ABL2: variants seen among roughly 807,000 people sequenced by gnomAD.
ABL2 encodes the protein ABL proto-oncogene 2, non-receptor tyrosine kinase.
A neutral mutation model predicts 107.7 loss-of-function variants in ABL2; 49 were observed. The ratio of observed to expected loss-of-function variants is 0.45; its 90% CI spans 0.36 to 0.58. ABL2 has a LOEUF of 0.58. ABL2 is among the 20% of genes least tolerant of loss of function. The pLI, the probability that ABL2 is intolerant of heterozygous loss-of-function variation, is 0.00. For synonymous variants in ABL2, 549 were observed against 548.6 expected, an observed-to-expected ratio of 1.00 and a Z score of -0.01; for missense variants, 1,245 against 1,457.0, an observed-to-expected ratio of 0.85 and a Z score of 2.37.
At chr1:179,180,670 C>T (rs1237688023) in intron 1 of ABL2, among the ~76,000 whole-genome samples, 1 of 152,072 alleles carries the variant, frequency 6.6e-6, no homozygotes, top group African/African-American at 2.4e-5. Flanking sequence ...ATTATACCAA[C>T]AAAATAATAG....
At position 179,110,418 on chromosome 1, in the gene ABL2, T is replaced by C. The variant is rs761724714; in HGVS notation, c.1689A>G (p.Ser563=). ...GCCGGGGCAGGTATGGAACAACAGATGACGAGGAGGCGGCTCTCCCAAGCT... is the reference window on the plus strand; with the variant it reads ...GCCGGGGCAGGTATGGAACAACAGACGACGAGGAGGCGGCTCTCCCAAGCT... ...AEELGRAASS[S]SVVPYLPRLP... The change falls in exon 11 of 12, where the codon TCA becomes TCG. Residue 563 remains serine, a synonymous_variant. Transcript: ENST00000502732. The C allele has an allele frequency of 5.6e-6, 9 of 1,613,774 alleles. No homozygotes were observed. Among genetic ancestry groups the C allele is most frequent in the Middle Eastern group, 1.6e-4 (1 of 6,080 alleles).
chr1:179,212,472 C>A (rs939863176), intron 1 of ABL2, among the ~76,000 whole-genome samples: 1 of 152,224 alleles, frequency 6.6e-6, no homozygotes, highest in Non-Finnish European at 1.5e-5. Context: ...GTGGCTCACA[C>A]CTGTAATCAC....
intron 1 of ABL2, among the ~76,000 whole-genome samples, chr1:179,180,360 T>C (rs563045490): frequency 2.0e-5 from 3 of 152,040 alleles, no homozygotes; most frequent in Admixed American, 2.0e-4. Context: ...AAGATCAGAG[T>C]TGTATATACC....
intron 1 of ABL2, among the ~76,000 whole-genome samples, chr1:179,189,999 T>C (rs1660907174): frequency 6.6e-6 from 1 of 152,136 alleles, no homozygotes; most frequent in Non-Finnish European, 1.5e-5. Flanking sequence ...TTTGTATTTT[T>C]AGTAGAGACG....
At chr1:179,142,108 AAAATG>A (rs1436218721) in intron 1 of ABL2, among the ~76,000 whole-genome samples, 1 of 152,226 alleles carries the variant, frequency 6.6e-6, no homozygotes, top group South Asian at 2.1e-4. Context: ...ATTTTTGAAC[AAAATG>A]AAATGACTAC....
rs572438530 is a variant in ABL2 at position 179,178,401 on chromosome 1, C to CAAAA, written c.158-45031_158-45028dup. Among the ~76,000 whole-genome samples the CAAAA allele has an allele frequency of 6.8e-3, 468 of 68,620 alleles. 20 individuals carry two copies. Among genetic ancestry groups the CAAAA allele is most frequent in the African/African-American group, 0.02 (368 of 18,852 alleles). 45.0% of individuals were successfully genotyped at this position (68,620 alleles called of 152,430 possible). A position where few individuals can be genotyped will look rare whatever the true frequency, so the allele number is the denominator to read the frequency against. On this transcript the variant is annotated intron_variant, in intron 1 of 11. Transcript: ENST00000502732. ...TGGGTGACAGAGCAAGACTCTGCCT[C>CAAAA]AAAAAAAAAAAAAAAAAAATTATTT...
chr1:179,195,826 G>C (rs1012562651), intron 1 of ABL2, among the ~76,000 whole-genome samples: 6 of 152,188 alleles, frequency 3.9e-5, no homozygotes, highest in African/African-American at 1.4e-4. Context: ...GAGGAACCTA[G>C]AGTAGTCAAA....
At chr1:179,174,282 T>A (rs1163127690) in intron 1 of ABL2, among the ~76,000 whole-genome samples, 5 of 150,146 alleles carry the variant, frequency 3.3e-5, no homozygotes, top group African/African-American at 1.2e-4. Context: ...AGCAAGACTC[T>A]GTCTCCAATA....
At position 179,120,184 on chromosome 1, in the gene ABL2, C is replaced by G. The variant is rs1458567786; in HGVS notation, c.1045+6G>C. ...GGAAATCTATGGTTCAGGCAAGGTT[C>G]CTCACCTAAAAGTTGTACCAGATTA... is the stretch of plus-strand genomic sequence containing the variant. On this transcript the variant is annotated splice_donor_region_variant and intron_variant, in intron 6 of 11. Coordinates refer to ENST00000502732, the MANE Select transcript of ABL2 (RefSeq NM_007314.4). The G allele has an allele frequency of 6.3e-7, 1 of 1,585,906 alleles. No homozygotes were observed. Among genetic ancestry groups the G allele is most frequent in the South Asian group, 1.1e-5 (1 of 87,540 alleles).
chr1:179,151,603 G>A (rs1029037204), intron 1 of ABL2, among the ~76,000 whole-genome samples: 9 of 152,036 alleles, frequency 5.9e-5, no homozygotes, highest in African/African-American at 1.7e-4. Flanking sequence ...AATCCAGTAC[G>A]TATGAGACTT....
chr1:179,198,789 G>A (rs1453003873), intron 1 of ABL2, among the ~76,000 whole-genome samples: 1 of 147,228 alleles, frequency 6.8e-6, no homozygotes, highest in Non-Finnish European at 1.5e-5. Flanking sequence ...ATGAAAACAT[G>A]AATTCTAGGA....
chr1:179,186,221 G>C (rs936600906), intron 1 of ABL2, among the ~76,000 whole-genome samples: 38 of 152,002 alleles, frequency 2.5e-4, no homozygotes, highest in African/African-American at 9.2e-4. Flanking sequence ...CTCCAGCCTG[G>C]GTGACAGAGG....
chr1:179,158,926 C>G (rs1387975231), intron 1 of ABL2, among the ~76,000 whole-genome samples: 3 of 152,090 alleles, frequency 2.0e-5, no homozygotes, highest in African/African-American at 7.2e-5. Flanking sequence ...TATCATCTCC[C>G]ATTTATTGAG....
chr1:179,151,395 C>T (rs1325896891), intron 1 of ABL2, among the ~76,000 whole-genome samples: 2 of 152,206 alleles, frequency 1.3e-5, no homozygotes, highest in Non-Finnish European at 2.9e-5. Flanking sequence ...TTTGCCTAAG[C>T]TCAAAGCACC....
chr1:179,115,974 C>G (rs115356046), intron 8 of ABL2, among the ~76,000 whole-genome samples: 2 of 151,830 alleles, frequency 1.3e-5, no homozygotes, highest in African/African-American at 2.4e-5. Flanking sequence ...CCTCTCAGAG[C>G]AGTAGAAACC....
In ABL2 at chr1:179,108,452, G is replaced by C; in HGVS notation, c.2815C>G (p.Leu939Val). The C allele has an allele frequency of 1.9e-6, 3 of 1,614,254 alleles. No homozygotes were observed. In the African/African-American group the frequency reaches 4.0e-5, roughly 22 times the overall value. Reference sequence around the variant, plus strand: ...TGCACGTCAGCTGGAGTGTGTTTCAGAGTGGGTGAGATAAGGACTGGCACT... The same window carrying C: ...TGCACGTCAGCTGGAGTGTGTTTCACAGTGGGTGAGATAAGGACTGGCACT... ...HKVPVLISPT[L>V]KHTPADVQLI... The change falls in exon 12 of 12, where the codon CTG (leucine) becomes GTG (valine). Residue 939 changes from leucine to valine, a missense_variant. Leu to Val is a conservative substitution (Grantham distance 32). Around this residue, in one of 3 missense-constraint regions of ABL2, gnomAD observed 761 missense variants for 766.4 expected, o/e 0.99. Transcript: ENST00000502732.
At chr1:179,121,570 A>G in intron 5 of ABL2, 25 bp downstream of exon 5, 1 of 1,600,814 alleles carries the variant, frequency 6.2e-7, no homozygotes, top group East Asian at 2.2e-5. Flanking sequence ...AAGATGCCTG[A>G]AAACTGTAAT....
chr1:179,149,730 T>C (rs1022424239), intron 1 of ABL2, among the ~76,000 whole-genome samples: 1 of 152,250 alleles, frequency 6.6e-6, no homozygotes, highest in Non-Finnish European at 1.5e-5. Context: ...AGCACATCTA[T>C]GTACAGCATG....
intron 1 of ABL2, chr1:179,184,230 T>G: frequency 2.0e-6 from 1 of 512,122 alleles, no homozygotes; most frequent in Non-Finnish European, 3.6e-6. Flanking sequence ...AGATACTAAG[T>G]CAGGTTACAG....
Sources: gnomAD v4.1 joint callset for allele counts (sites outside exome capture counted in the v4.1 genomes callset) on GRCh38, gnomAD v4.1.1 for gene constraint, gnomAD v4.1.1 regional missense constraint, MANE v1.5 for transcripts, NCBI Gene and HGNC (gene_info 2026-07-23, HGNC 2026-07-21) for gene names.